MALRD1: variants seen among roughly 807,000 people sequenced by gnomAD.
MALRD1 encodes the protein MAM and LDL receptor class A domain containing 1, also known as MAM and LDL-receptor class A domain-containing protein 1.
In MALRD1, 247 loss-of-function variants were observed where a neutral mutation model predicts 242.1. The observed-to-expected ratio is 1.02, with a 90% CI of 0.92 to 1.13. MALRD1 has a LOEUF of 1.13. Among genes scored for constraint, MALRD1 ranks in the 50% most tolerant of loss-of-function variants. The pLI is 0.00. For synonymous variants in MALRD1, 995 were observed against 866.6 expected (o/e 1.15, Z -2.60); for missense variants, 2,989 against 2,533.1 (o/e 1.18, Z -3.86).
At chr10:19,336,603 CTGT>C (rs1236285713) in intron 24 of MALRD1, among the ~76,000 whole-genome samples, 1 of 152,086 alleles carries the variant, frequency 6.6e-6, no homozygotes, top group Non-Finnish European at 1.5e-5. Context: ...TAGGAAACTC[CTGT>C]TGTTTAGGAA....
intron 29 of MALRD1, among the ~76,000 whole-genome samples, chr10:19,483,320 T>C (rs906846363): frequency 1.6e-4 from 24 of 151,770 alleles, no homozygotes; most frequent in Non-Finnish European, 1.9e-4. Context: ...TGGAGCCTAA[T>C]TAAAGAGCTT....
intron 18 of MALRD1, among the ~76,000 whole-genome samples, chr10:19,250,113 A>G (rs985941105): frequency 2.0e-5 from 3 of 152,058 alleles, no homozygotes; most frequent in Non-Finnish European, 4.4e-5. Flanking sequence ...AATGACATTT[A>G]AGAATTTTAA....
chr10:19,065,287 C>CAAAAAAAAAAAAAAAAAA (rs1197670439), intron 1 of MALRD1, among the ~76,000 whole-genome samples: 18 of 50,622 alleles, frequency 3.6e-4, no homozygotes, highest in East Asian at 2.8e-3. Context: ...AACGCTGTCT[C>CAAAAAAAAAAAAAAAAAA]AAAAAAAAAA....
chr10:19,474,176 G>A (rs894726533), intron 29 of MALRD1, among the ~76,000 whole-genome samples: 5 of 151,776 alleles, frequency 3.3e-5, no homozygotes, highest in African/African-American at 1.2e-4. Context: ...CATTAGTCAG[G>A]TTATTTTTTT....
chr10:19,193,179 G>C (rs11008874), intron 14 of MALRD1, among the ~76,000 whole-genome samples: 1 of 152,138 alleles, frequency 6.6e-6, no homozygotes, highest in African/African-American at 2.4e-5. Flanking sequence ...TTCAACAAAC[G>C]ATCAACAATA....
intron 29 of MALRD1, among the ~76,000 whole-genome samples, chr10:19,455,370 G>T (rs1482252909): frequency 6.6e-6 from 1 of 152,114 alleles, no homozygotes; most frequent in African/African-American, 2.4e-5. Context: ...GATACTCAGG[G>T]AGCTTACTAT....
intron 23 of MALRD1, among the ~76,000 whole-genome samples, chr10:19,327,909 A>G (rs1452594197): frequency 2.0e-5 from 3 of 152,114 alleles, no homozygotes; most frequent in African/African-American, 7.2e-5. Context: ...TTTAATTTGA[A>G]TAAAAACCCT....
chr10:19,095,165 G>C (rs770662223), intron 4 of MALRD1, among the ~76,000 whole-genome samples: 1 of 152,056 alleles, frequency 6.6e-6, no homozygotes, highest in Non-Finnish European at 1.5e-5. Flanking sequence ...TCAATTTTAC[G>C]TTCGATTCTT....
intron 19 of MALRD1, among the ~76,000 whole-genome samples, chr10:19,260,874 C>T (rs1349317591): frequency 6.6e-6 from 1 of 152,092 alleles, no homozygotes; most frequent in Non-Finnish European, 1.5e-5. Flanking sequence ...TAGGGCTCAT[C>T]AAACACACTA....
rs74119724 is a variant in MALRD1, at chr10:19,663,099, T to A, written c.6138-29183T>A. Among the ~76,000 whole-genome samples the A allele has an allele frequency of 3.5e-3, 534 of 152,288 alleles. 4 individuals are homozygous for A. Among genetic ancestry groups the A allele is most frequent in the African/African-American group, 0.013 (520 of 41,568 alleles). ...GGATATACTGCATAATGGCAAAGTC[T>A]AGGCTTTTAGTTTAACCGTCACCCA... On this transcript the variant is annotated intron_variant, in intron 36 of 39. Transcript: ENST00000454679.
intron 28 of MALRD1, among the ~76,000 whole-genome samples, chr10:19,398,394 A>G (rs1846682389): frequency 6.6e-6 from 1 of 152,176 alleles, no homozygotes; most frequent in Admixed American, 6.6e-5. Flanking sequence ...TTTGAAAAAT[A>G]TATGTTAAAC....
At position 19,063,893 on chromosome 10, in the gene MALRD1, T is replaced by C. The variant is rs184278108; in HGVS notation, c.200-2826T>C. On this transcript the variant is annotated intron_variant, in intron 1 of 39. Coordinates refer to ENST00000454679, the MANE Select transcript of MALRD1 (RefSeq NM_001142308.3). ...CACCAGCATGGCACATGTATACATATGTAACTAACCTGCACATTGTGCACA... is the reference window on the plus strand; with the variant it reads ...CACCAGCATGGCACATGTATACATACGTAACTAACCTGCACATTGTGCACA... Among the ~76,000 whole-genome samples, 1,426 of 152,082 alleles carry C rather than the reference T, an allele frequency of 9.4e-3. 24 individuals are homozygous for C. Among genetic ancestry groups the C allele is most frequent in the African/African-American group, 0.033 (1,358 of 41,488 alleles).
In MALRD1 at chr10:19,232,608, A is replaced by C. The variant is rs181605634; in HGVS notation, c.2991+22928A>C. 7.2e-4 allele frequency among the ~76,000 whole-genome samples: 110 copies of C among 152,324 alleles called. 1 individual carries two copies. The highest frequency in any genetic ancestry group is 2.6e-3 in the African/African-American group (106 of 41,562). On this transcript the variant is annotated intron_variant, in intron 18 of 39. Coordinates refer to ENST00000454679, the MANE Select transcript of MALRD1 (RefSeq NM_001142308.3). ...GTGAAGTGAGATTGTTATCTAGGAA[A>C]TAGCTGAAATGTCTTGTTGTGGGCA...
chr10:19,450,343 A>T lies in MALRD1; in HGVS notation c.4882A>T (p.Lys1628Ter). 6.5e-7 allele frequency: 1 copy of T among 1,549,258 alleles called. No homozygotes were observed. Among genetic ancestry groups the T allele is most frequent in the Non-Finnish European group, 8.7e-7 (1 of 1,146,872 alleles). The change falls in exon 29 of 40, where the codon AAG (lysine) becomes TAG (stop). Residue 1628 changes from lysine to a stop codon, truncating the protein, a stop_gained. Coordinates refer to ENST00000454679, the MANE Select transcript of MALRD1 (RefSeq NM_001142308.3). LOFTEE classifies it high-confidence loss of function. ...KGLSKVWQES[K>*]QNPGNHWQKA... ...ACTATCAAAAGTATGGCAAGAAAGTAAGCAGAACCCTGGTAATCATTGGCA... is the reference window on the plus strand; with the variant it reads ...ACTATCAAAAGTATGGCAAGAAAGTTAGCAGAACCCTGGTAATCATTGGCA...
chr10:19,609,029 G>A (rs1390045080), intron 35 of MALRD1, among the ~76,000 whole-genome samples: 1 of 152,014 alleles, frequency 6.6e-6, no homozygotes, highest in Non-Finnish European at 1.5e-5. Flanking sequence ...ATAAAGACAA[G>A]ATTATCTTCA....
intron 36 of MALRD1, among the ~76,000 whole-genome samples, chr10:19,687,550 T>A (rs1377077480): frequency 6.6e-6 from 1 of 152,190 alleles, no homozygotes; most frequent in Non-Finnish European, 1.5e-5. Context: ...TTATCCACTT[T>A]CCTTGTCCTA....
intron 31 of MALRD1, among the ~76,000 whole-genome samples, chr10:19,523,184 C>A (rs999320589): frequency 6.6e-6 from 1 of 152,176 alleles, no homozygotes; most frequent in Non-Finnish European, 1.5e-5. Flanking sequence ...CCCAAGGTCA[C>A]ATACCTAATA....
intron 31 of MALRD1, among the ~76,000 whole-genome samples, chr10:19,504,679 T>G (rs1384989773): frequency 7.3e-6 from 1 of 136,892 alleles, no homozygotes; most frequent in African/African-American, 2.8e-5. Flanking sequence ...TTTTTTTTTT[T>G]TTTTTTTTTT....
chr10:19,132,029 C>G (rs949299232), intron 8 of MALRD1, among the ~76,000 whole-genome samples: 1 of 152,144 alleles, frequency 6.6e-6, no homozygotes, highest in African/African-American at 2.4e-5. Flanking sequence ...AAATCTAGAT[C>G]TCATTCACTG....
Sources: allele counts gnomAD v4.1 joint callset (sites outside exome capture counted in the v4.1 genomes callset), GRCh38; gene constraint gnomAD v4.1.1; transcripts MANE v1.5; gene names NCBI Gene and HGNC (gene_info 2026-07-23, HGNC 2026-07-21).